Variants in TSC22D3 observed in about 807,000 individuals in gnomAD.
The protein encoded by TSC22D3 is TSC22 domain family member 3.
Under a neutral mutation model 11.1 loss-of-function variants are expected in TSC22D3, and 4 were observed. That is an observed-to-expected ratio of 0.36 (90% CI 0.18 to 0.83). The LOEUF (loss-of-function observed/expected upper bound fraction) is 0.83, where lower values mean the gene tolerates loss of function less well. Among genes scored for constraint, TSC22D3 ranks in the 40% least tolerant of loss-of-function variants. The pLI, the probability that TSC22D3 is intolerant of heterozygous loss-of-function variation, is 0.48. For synonymous variants in TSC22D3, 77 were observed against 70.3 expected, an observed-to-expected ratio of 1.10 and a Z score of -0.48; for missense variants, 118 against 159.4, an observed-to-expected ratio of 0.74 and a Z score of 1.40.
intron 1 of TSC22D3, among the ~76,000 whole-genome samples, chrX:107,741,550 A>G (rs905595413): frequency 2.7e-5 from 3 of 112,963 alleles, no homozygotes; most frequent in African/African-American, 9.6e-5. Flanking sequence ...CAGCGCAGCC[A>G]GGCACCCGCC....
intron 1 of TSC22D3, among the ~76,000 whole-genome samples, chrX:107,732,080 C>G (rs766541247): frequency 9.0e-6 from 1 of 111,506 alleles, no homozygotes; most frequent in East Asian, 2.8e-4. Context: ...TCTGCTCACC[C>G]GCTTGGGACT....
In TSC22D3 at chrX:107,713,646, T is replaced by G. The variant is rs1000090245; in HGVS notation, c.*873A>C. ...AAGGGTTGCAGCAGCAAGGCATCCG[T>G]GGCCGCATTCAGAGGCTGGCCCCCC... On this transcript the variant is annotated 3_prime_UTR_variant, in exon 3 of 3. Transcript: ENST00000372383. 8.9e-6 allele frequency: 1 copy of G among 112,200 alleles called. No individual in the cohort carries two copies. Among genetic ancestry groups the G allele is most frequent in the Non-Finnish European group, 1.9e-5 (1 of 53,192 alleles). 9.2% of individuals were successfully genotyped at this position (112,200 alleles called of 1,213,427 possible).
At chrX:107,737,627 C>T (rs1414107769) in intron 1 of TSC22D3, among the ~76,000 whole-genome samples, 1 of 111,751 alleles carries the variant, frequency 8.9e-6, no homozygotes, top group Non-Finnish European at 1.9e-5. Context: ...ACTGGTCCTA[C>T]TGCACAGCCT....
At chrX:107,720,566 G>A (rs186919376) in intron 1 of TSC22D3, among the ~76,000 whole-genome samples, 1,813 of 111,280 alleles carry the variant, frequency 0.016, 33 homozygotes, top group African/African-American at 0.056. Context: ...GGTGGCGCAT[G>A]CCTGTAATCC....
chrX:107,742,958 C>G lies in TSC22D3; in HGVS notation c.321-27008G>C, dbSNP rs185258768. Among the ~76,000 whole-genome samples the G allele has an allele frequency of 5.7e-4, 64 of 111,857 alleles. No homozygotes were observed. The East Asian group carries it at 0.015, about 26-fold the overall frequency. ...CCCCACAGCACCTGTGGTTGGGAGG[C>G]GACCTCCCAGAGTCAGTGGTGAGGC... On this transcript the variant is annotated intron_variant, in intron 1 of 2. Coordinates refer to ENST00000372383, the MANE Select transcript of TSC22D3 (RefSeq NM_198057.3).
chrX:107,761,052 T>C (rs1489712408), intron 1 of TSC22D3, among the ~76,000 whole-genome samples: 1 of 112,206 alleles, frequency 8.9e-6, no homozygotes, highest in Non-Finnish European at 1.9e-5. Context: ...CTAATGCTAA[T>C]AAAGAGACAC....
At chrX:107,766,286 A>G (rs1929647582) in intron 1 of TSC22D3, among the ~76,000 whole-genome samples, 1 of 112,002 alleles carries the variant, frequency 8.9e-6, no homozygotes, top group Admixed American at 9.5e-5. Flanking sequence ...TTTTCTGAAT[A>G]GGCCAGGCAG....
chrX:107,751,926 G>C (rs1291831304), intron 1 of TSC22D3, among the ~76,000 whole-genome samples: 1 of 112,510 alleles, frequency 8.9e-6, no homozygotes, highest in Non-Finnish European at 1.9e-5. Flanking sequence ...GAAGGCCCAG[G>C]TTTAAATAAA....
At chrX:107,721,497 C>T in intron 1 of TSC22D3, among the ~76,000 whole-genome samples, 1 of 111,585 alleles carries the variant, frequency 9.0e-6, no homozygotes, top group Non-Finnish European at 1.9e-5. Flanking sequence ...TGAGGGGGAA[C>T]ATCTCACTTC....
chrX:107,773,388 C>G (rs1444981643), intron 1 of TSC22D3, among the ~76,000 whole-genome samples: 1 of 111,569 alleles, frequency 9.0e-6, no homozygotes, highest in African/African-American at 3.3e-5. Context: ...GCAAATGCTA[C>G]AAGCGCTCTT....
chrX:107,725,839 A>T (rs1927594100), intron 1 of TSC22D3, among the ~76,000 whole-genome samples: 1 of 111,246 alleles, frequency 9.0e-6, no homozygotes, highest in South Asian at 3.8e-4. Context: ...TGTGGGAAAG[A>T]GAGAACCCAG....
At chrX:107,716,080 G>T in intron 1 of TSC22D3, 130 bp from the exon 2 acceptor site, 2 of 786,635 alleles carry the variant, frequency 2.5e-6, no homozygotes, top group Non-Finnish European at 3.6e-6. Flanking sequence ...CCCTGGCCCA[G>T]AGTTCCGGAC....
chrX:107,746,415 C>T (rs1270695247), intron 1 of TSC22D3, among the ~76,000 whole-genome samples: 1 of 111,277 alleles, frequency 9.0e-6, no homozygotes, highest in East Asian at 2.8e-4. Flanking sequence ...CAGACACACA[C>T]ACACAGACAT....
At chrX:107,764,220 T>C (rs1929562538) in intron 1 of TSC22D3, among the ~76,000 whole-genome samples, 1 of 112,536 alleles carries the variant, frequency 8.9e-6, no homozygotes, top group African/African-American at 3.2e-5. Context: ...CCCCACTCCG[T>C]TGACTGTTCT....
Position 107,762,943 on chromosome X carries a change from G to A in TSC22D3, c.320+12157C>T, listed in dbSNP as rs186455178. Among the ~76,000 whole-genome samples, 345 of 90,348 alleles carry A rather than the reference G, an allele frequency of 3.8e-3. 1 individual carries two copies. The highest frequency in any genetic ancestry group is 0.013 in the African/African-American group (316 of 23,621). 78.5% of individuals were successfully genotyped at this position (90,348 alleles called of 115,157 possible). ...ACGATCTCGGATCACTGCAACCTCC[G>A]CCTCCCCAGTTCAAGCAATTCTTCT... On this transcript the variant is annotated intron_variant, in intron 1 of 2. Coordinates refer to ENST00000372383, the MANE Select transcript of TSC22D3 (RefSeq NM_198057.3).
rs1249552098 is a variant in TSC22D3 at position 107,714,435 on chromosome X, T to C, written c.*84A>G. ...TAGGTGTAAAGTTCTCCTCGTGAGA[T>C]GATGCTTGGGGAGCCAAAAACAAAC... On this transcript the variant is annotated 3_prime_UTR_variant, in exon 3 of 3. Coordinates refer to ENST00000372383, the MANE Select transcript of TSC22D3 (RefSeq NM_198057.3). The C allele has an allele frequency of 1.1e-6, 1 of 887,106 alleles. No homozygotes were observed. The highest frequency in any genetic ancestry group is 3.2e-5 in the East Asian group (1 of 30,881). 73.1% of individuals were successfully genotyped at this position (887,106 alleles called of 1,213,427 possible).
chrX:107,728,223 G>A (rs1432360516), intron 1 of TSC22D3, among the ~76,000 whole-genome samples: 2 of 112,042 alleles, frequency 1.8e-5, no homozygotes, highest in Admixed American at 9.4e-5. Context: ...AGAACTATAG[G>A]CACATTCATG....
intron 1 of TSC22D3, among the ~76,000 whole-genome samples, chrX:107,727,469 T>C (rs1333133617): frequency 8.9e-6 from 1 of 112,014 alleles, no homozygotes; most frequent in East Asian, 2.8e-4. Context: ...GATACCCTAA[T>C]GTCTGGAAAC....
chrX:107,716,803 G>A (rs767926717), intron 1 of TSC22D3: 2 of 1,209,970 alleles, frequency 1.7e-6, no homozygotes, highest in Non-Finnish European at 2.2e-6. Context: ...GATACATTTC[G>A]GTGTTCATGG....
Sources: gnomAD v4.1 joint callset for allele counts (sites outside exome capture counted in the v4.1 genomes callset) on GRCh38, gnomAD v4.1.1 for gene constraint, MANE v1.5 for transcripts, NCBI Gene and HGNC (gene_info 2026-07-23, HGNC 2026-07-21) for gene names.